Variants in MET observed in about 807,000 individuals in gnomAD.
MET encodes hepatocyte growth factor receptor.
Under a neutral mutation model 133.1 loss-of-function variants are expected in MET, and 48 were observed. The ratio of observed to expected loss-of-function variants is 0.36; its 90% CI spans 0.29 to 0.46. The LOEUF (loss-of-function observed/expected upper bound fraction) is 0.46. Ranked by LOEUF, MET falls within the 20% of genes least tolerant of loss-of-function variation. The probability of loss-of-function intolerance (pLI) is 1.00; values close to 1 mark genes in which losing one functional copy is unlikely to be tolerated. For missense variants in MET, 1,442 were observed against 1,695.9 expected, an observed-to-expected ratio of 0.85 and a Z score of 2.63; for synonymous variants, 628 against 616.5, an observed-to-expected ratio of 1.02 and a Z score of -0.28.
At chr7:116,746,182 C>T (rs1793673456) in intron 5 of MET, among the ~76,000 whole-genome samples, 1 of 152,180 alleles carries the variant, frequency 6.6e-6, no homozygotes, top group Admixed American at 6.5e-5. Context: ...TGAAAAAATG[C>T]TCATTATCAC....
intron 19 of MET, among the ~76,000 whole-genome samples, chr7:116,793,064 T>A (rs932291966): frequency 6.6e-6 from 1 of 152,218 alleles, no homozygotes; most frequent in African/African-American, 2.4e-5. Flanking sequence ...CTGGCCTCCA[T>A]ATTGTGAATC....
rs1562935745 is a variant in MET at position 116,783,295 on chromosome 7, T to TC, written c.3633-9_3633-8insC. On this transcript the variant is annotated splice_polypyrimidine_tract_variant and intron_variant, in intron 18 of 20. Coordinates refer to ENST00000397752, the MANE Select transcript of MET (RefSeq NM_000245.4). ...CAGCCACGGGTAATAATTTTTGTCCTTTCTGTAGGCTGGATGAAAAATTCA... is the reference window on the plus strand; with the variant it reads ...CAGCCACGGGTAATAATTTTTGTCCTCTTCTGTAGGCTGGATGAAAAATTCA... 1.9e-6 allele frequency: 3 copies of TC among 1,613,990 alleles called. No homozygotes were observed. The highest frequency in any genetic ancestry group is 2.5e-6 in the Non-Finnish European group (3 of 1,179,996).
chr7:116,690,647 TAGGCATA>T (rs1225490440), intron 1 of MET, among the ~76,000 whole-genome samples: 1 of 152,268 alleles, frequency 6.6e-6, no homozygotes, highest in Non-Finnish European at 1.5e-5. Flanking sequence ...GTTAAGTCTT[TAGGCATA>T]AGAATCAAGC....
At chr7:116,716,471 AAG>A (rs1468900124) in intron 2 of MET, among the ~76,000 whole-genome samples, 1 of 20,110 alleles carries the variant, frequency 5.0e-5, no homozygotes, top group South Asian at 1.5e-3. Flanking sequence ...AAGAAAGAGA[AAG>A]AAAGAAAGAA....
At chr7:116,721,637 C>T (rs1792488953) in intron 2 of MET, among the ~76,000 whole-genome samples, 1 of 151,944 alleles carries the variant, frequency 6.6e-6, no homozygotes, top group Non-Finnish European at 1.5e-5. Context: ...TATAAATTTC[C>T]CTCTCCACAC....
At chr7:116,687,848 C>T (rs1796615862) in intron 1 of MET, among the ~76,000 whole-genome samples, 2 of 152,164 alleles carry the variant, frequency 1.3e-5, no homozygotes, top group Non-Finnish European at 2.9e-5. Flanking sequence ...CCTTTGGCAC[C>T]CTCACACCTC....
At chr7:116,767,974 A>ATGTGTGTG (rs36013546) in intron 11 of MET, among the ~76,000 whole-genome samples, 5 of 140,198 alleles carry the variant, frequency 3.6e-5, no homozygotes, top group African/African-American at 1.3e-4. Context: ...ATATATATAT[A>ATGTGTGTG]TGTGTGTGTG....
Position 116,699,768 on chromosome 7 carries a change from TTTGACGGACCA to T in MET, c.685_695del (p.Leu229ValfsTer4). 6.2e-7 allele frequency: 1 copy of T among 1,614,136 alleles called. No homozygotes were observed. The highest frequency in any genetic ancestry group is 8.5e-7 in the Non-Finnish European group (1 of 1,179,986). ...AGGAAACGAAAGATGGTTTTATGTT[TTTGACGGACCA>T]GTCCTACATTGATGTTTTACCTGAG... On this transcript the variant is annotated frameshift_variant, in exon 2 of 21. Coordinates refer to ENST00000397752, the MANE Select transcript of MET (RefSeq NM_000245.4). LOFTEE classifies it high-confidence loss of function.
chr7:116,748,702 C>G (rs1793796251), intron 5 of MET, among the ~76,000 whole-genome samples: 1 of 152,168 alleles, frequency 6.6e-6, no homozygotes, highest in Non-Finnish European at 1.5e-5. Flanking sequence ...AATTGATAGA[C>G]TGCTAGCCAG....
At chr7:116,679,142 CA>C (rs1176801475) in intron 1 of MET, among the ~76,000 whole-genome samples, 2 of 152,138 alleles carry the variant, frequency 1.3e-5, no homozygotes, top group Non-Finnish European at 2.9e-5. Flanking sequence ...AATATAAATA[CA>C]AAGCCCAAAT....
At chr7:116,789,643 T>C (rs145019899) in intron 19 of MET, among the ~76,000 whole-genome samples, 1 of 152,334 alleles carries the variant, frequency 6.6e-6, no homozygotes, top group East Asian at 1.9e-4. Context: ...TAAAATGTCA[T>C]ATAAATGGAA....
intron 9 of MET, 92 bp downstream of exon 9, chr7:116,758,712 T>C (rs552678010): frequency 1.6e-6 from 2 of 1,251,464 alleles, no homozygotes; most frequent in African/African-American, 1.5e-5. Context: ...GTTTTATCTC[T>C]GGCTTTGATG....
rs777779283 is a variant in MET at position 116,702,960 on chromosome 7, AT to A, written c.1200+2680del. On this transcript the variant is annotated intron_variant, in intron 2 of 20. Transcript: ENST00000397752. ...CTGACTTGCTTGTTTAGGATCACAT[AT>A]TTTGTTGCTTTTCCCAGTCTCACAT... 3.9e-5 allele frequency among the ~76,000 whole-genome samples: 6 copies of A among 152,224 alleles called. No homozygotes were observed. The South Asian group carries it at 8.3e-4, about 21-fold the overall frequency.
chr7:116,793,536 G>T lies in MET; in HGVS notation c.3799-2119G>T, dbSNP rs184424020. Among the ~76,000 whole-genome samples, 11 of 151,948 alleles carry T rather than the reference G, an allele frequency of 7.2e-5. No individual in the cohort carries two copies. The East Asian group carries it at 2.1e-3, about 30-fold the overall frequency. ...AGCACAGTCCCATTTCAATCTTATG[G>T]GTCCCTAATCCCTTCCCCTACTCCA... On this transcript the variant is annotated intron_variant, in intron 19 of 20. Coordinates refer to ENST00000397752, the MANE Select transcript of MET (RefSeq NM_000245.4).
intron 2 of MET, among the ~76,000 whole-genome samples, chr7:116,709,625 G>A (rs1791922972): frequency 6.6e-6 from 1 of 152,050 alleles, no homozygotes; most frequent in Non-Finnish European, 1.5e-5. Context: ...GCTTATTCCT[G>A]TGCCTACAAG....
chr7:116,776,064 T>C (rs1343957950), intron 15 of MET, among the ~76,000 whole-genome samples: 7 of 151,980 alleles, frequency 4.6e-5, no homozygotes, highest in African/African-American at 1.7e-4. Context: ...TTCATTCTTC[T>C]TGTTGTTTTT....
At position 116,709,997 on chromosome 7, in the gene MET, G is replaced by A. The variant is rs553166868; in HGVS notation, c.1200+9713G>A. 1.9e-3 allele frequency among the ~76,000 whole-genome samples: 290 copies of A among 152,256 alleles called. 1 individual carries two copies. Among genetic ancestry groups the A allele is most frequent in the Middle Eastern group, 3.4e-3 (1 of 294 alleles). On this transcript the variant is annotated intron_variant, in intron 2 of 20. Coordinates refer to ENST00000397752, the MANE Select transcript of MET (RefSeq NM_000245.4). ...TAATTTGTTAAATGTAAACTTATTT[G>A]TGGCTCCAACATCATGGTAAACAAG...
intron 10 of MET, among the ~76,000 whole-genome samples, chr7:116,762,610 G>A (rs1403978051): frequency 6.6e-6 from 1 of 152,118 alleles, no homozygotes; most frequent in African/African-American, 2.4e-5. Context: ...CCTAAATGAG[G>A]AAACTGAGTT....
chr7:116,709,615 G>T (rs1313841562), intron 2 of MET, among the ~76,000 whole-genome samples: 1 of 152,066 alleles, frequency 6.6e-6, no homozygotes, highest in East Asian at 1.9e-4. Context: ...AGGCTTCAGG[G>T]CTTATTCCTG....
Sources: allele counts gnomAD v4.1 joint callset (sites outside exome capture counted in the v4.1 genomes callset), GRCh38; gene constraint gnomAD v4.1.1; transcripts MANE v1.5; gene names NCBI Gene and HGNC (gene_info 2026-07-23, HGNC 2026-07-21).